Variants in SLC16A7 observed in about 807,000 individuals in gnomAD.
The protein encoded by SLC16A7 is solute carrier family 16 member 7.
Under a neutral mutation model 34.9 loss-of-function variants are expected in SLC16A7, and 33 were observed. That is an observed-to-expected ratio of 0.94 (90% CI 0.72 to 1.26). The LOEUF (loss-of-function observed/expected upper bound fraction) is 1.26, where lower values mean the gene tolerates loss of function less well. Ranked by LOEUF, SLC16A7 falls within the 50% of genes most tolerant of loss-of-function variation. SLC16A7 has a pLI of 0.00. For synonymous variants in SLC16A7, 201 were observed against 206.6 expected (o/e 0.97, Z 0.23); for missense variants, 573 against 578.1 (o/e 0.99, Z 0.09).
intron 3 of SLC16A7, among the ~76,000 whole-genome samples, chr12:59,740,951 C>T (rs1198476386): frequency 6.6e-6 from 1 of 152,144 alleles, no homozygotes; most frequent in African/African-American, 2.4e-5. Context: ...TGTGTGAACT[C>T]CCTTTCACAA....
At chr12:59,746,643 G>A (rs548406623) in intron 3 of SLC16A7, among the ~76,000 whole-genome samples, 1 of 152,254 alleles carries the variant, frequency 6.6e-6, no homozygotes, top group African/African-American at 2.4e-5. Flanking sequence ...AGCTATGTTA[G>A]CATTCCAAAT....
rs1447940758 is a variant in SLC16A7 at position 59,789,830 on chromosome 12, A to C, written c.*10151A>C. ...ATTAAATTAAAATTAAAATAAAAAA[A>C]TTCATGTTAAATTTTTGAAATGAAA... On this transcript the variant is annotated 3_prime_UTR_variant, in exon 6 of 6. Transcript: ENST00000547379. 2 of 149,004 alleles carry C rather than the reference A, an allele frequency of 1.3e-5. No individual in the cohort carries two copies. Among genetic ancestry groups the C allele is most frequent in the Non-Finnish European group, 3.0e-5 (2 of 66,106 alleles). The allele number at this position is 149,004 out of a possible 1,614,324, so 9.2% of individuals were successfully genotyped here.
intron 3 of SLC16A7, chr12:59,733,795 T>C: frequency 2.2e-6 from 1 of 455,992 alleles, no homozygotes; most frequent in South Asian, 1.5e-5. Context: ...AGAGAGGAGC[T>C]TCACTGAGCA....
intron 2 of SLC16A7, among the ~76,000 whole-genome samples, chr12:59,687,759 T>C (rs1328509174): frequency 6.6e-6 from 1 of 152,110 alleles, no homozygotes; most frequent in Non-Finnish European, 1.5e-5. Flanking sequence ...AGGGACATGT[T>C]CTTATTTTGG....
chr12:59,691,483 A>G (rs988647704), intron 2 of SLC16A7, among the ~76,000 whole-genome samples: 2 of 152,054 alleles, frequency 1.3e-5, no homozygotes, highest in Admixed American at 6.6e-5. Context: ...GAACAAAATT[A>G]CTTTGAACAA....
At chr12:59,683,075 A>T (rs1870875572) in intron 2 of SLC16A7, among the ~76,000 whole-genome samples, 1 of 152,138 alleles carries the variant, frequency 6.6e-6, no homozygotes, top group Non-Finnish European at 1.5e-5. Flanking sequence ...TTGAAAAAAA[A>T]AATTGCATAT....
At chr12:59,629,282 C>T (rs1029891005) in intron 1 of SLC16A7, among the ~76,000 whole-genome samples, 1 of 151,868 alleles carries the variant, frequency 6.6e-6, no homozygotes, top group African/African-American at 2.4e-5. Flanking sequence ...CACATTCAGT[C>T]CATAAAATTA....
chr12:59,732,918 A>G (rs1005487146), intron 3 of SLC16A7, among the ~76,000 whole-genome samples: 2 of 152,194 alleles, frequency 1.3e-5, no homozygotes, highest in Non-Finnish European at 2.9e-5. Context: ...TTATGGGAAG[A>G]GTATGTAATT....
intron 3 of SLC16A7, among the ~76,000 whole-genome samples, chr12:59,721,869 T>G (rs1565672921): frequency 6.6e-6 from 1 of 151,990 alleles, no homozygotes; most frequent in Non-Finnish European, 1.5e-5. Flanking sequence ...CTTAAATATT[T>G]TCTTTTGATG....
chr12:59,701,482 A>G (rs758517194), intron 2 of SLC16A7, among the ~76,000 whole-genome samples: 5 of 151,576 alleles, frequency 3.3e-5, no homozygotes, highest in Non-Finnish European at 5.9e-5. Context: ...GTGTGTGTAC[A>G]TTCTGTCTTC....
rs114678139 is a variant in SLC16A7, at chr12:59,615,973, C to G, written c.-130+19737C>G. Among the ~76,000 whole-genome samples the G allele has an allele frequency of 4.1e-3, 629 of 152,226 alleles. 5 individuals carry two copies. Among genetic ancestry groups the G allele is most frequent in the African/African-American group, 0.014 (596 of 41,530 alleles). ...CTCTGGCCAGGACCTGGTGACTGTT[C>G]CCTGTAATGCCCTTCAATTTCACTG... is the stretch of plus-strand genomic sequence containing the variant. On this transcript the variant is annotated intron_variant, in intron 1 of 5. Coordinates refer to ENST00000547379, the MANE Select transcript of SLC16A7 (RefSeq NM_001270623.2).
chr12:59,657,770 A>T lies in SLC16A7; in HGVS notation c.-31+2520A>T, dbSNP rs559228417. Among the ~76,000 whole-genome samples the T allele has an allele frequency of 2.3e-4, 35 of 152,080 alleles. No homozygotes were observed. In the South Asian group the frequency reaches 4.1e-3, roughly 18 times the overall value. ...ACCTCCTAATGCCAATAAACAAATG[A>T]TGTCTGTTCAAAATGTTCACAGCAT... is the stretch of plus-strand genomic sequence containing the variant. On this transcript the variant is annotated intron_variant, in intron 2 of 5. Transcript: ENST00000547379.
intron 2 of SLC16A7, among the ~76,000 whole-genome samples, chr12:59,687,946 G>T (rs1183407699): frequency 6.6e-6 from 1 of 152,040 alleles, no homozygotes; most frequent in Non-Finnish European, 1.5e-5. Flanking sequence ...AGTATGAGTA[G>T]GGGACAAATA....
At chr12:59,659,933 A>G (rs1868748344) in intron 2 of SLC16A7, among the ~76,000 whole-genome samples, 1 of 152,126 alleles carries the variant, frequency 6.6e-6, no homozygotes, top group Non-Finnish European at 1.5e-5. Context: ...ATACTAGGCC[A>G]GCATATAGTT....
At chr12:59,721,437 G>T (rs1795895) in intron 3 of SLC16A7, among the ~76,000 whole-genome samples, 1 of 151,700 alleles carries the variant, frequency 6.6e-6, no homozygotes, top group Non-Finnish European at 1.5e-5. Flanking sequence ...GGACAAAATT[G>T]TATCTTCTCT....
intron 2 of SLC16A7, among the ~76,000 whole-genome samples, chr12:59,669,652 T>TCACACACACACACACACA (rs144456899): frequency 0.026 from 3,662 of 139,494 alleles, 70 homozygotes; most frequent in Admixed American, 0.054. Flanking sequence ...CCATAGATAG[T>TCACACACACACACACACA]CACACACACA....
intron 2 of SLC16A7, among the ~76,000 whole-genome samples, chr12:59,665,861 G>A (rs1310606150): frequency 6.7e-6 from 1 of 149,792 alleles, no homozygotes; most frequent in Non-Finnish European, 1.5e-5. Context: ...TGTGTGTCTT[G>A]GTTCTTTCTA....
intron 3 of SLC16A7, among the ~76,000 whole-genome samples, chr12:59,741,088 C>T (rs546013903): frequency 1.9e-4 from 29 of 152,176 alleles, no homozygotes; most frequent in African/African-American, 7.0e-4. Context: ...AAGAACATTC[C>T]ATGCTCATGG....
intron 2 of SLC16A7, among the ~76,000 whole-genome samples, chr12:59,689,723 G>A (rs1395669868): frequency 6.6e-6 from 1 of 151,982 alleles, no homozygotes; most frequent in Non-Finnish European, 1.5e-5. Context: ...GCCAGTTAAT[G>A]ATCTAATGCT....
Sources: gnomAD v4.1 joint callset for allele counts (sites outside exome capture counted in the v4.1 genomes callset) on GRCh38, gnomAD v4.1.1 for gene constraint, MANE v1.5 for transcripts, NCBI Gene and HGNC (gene_info 2026-07-23, HGNC 2026-07-21) for gene names.